MAPKAP1: variants seen among roughly 807,000 people sequenced by gnomAD.
MAPKAP1 encodes the protein MAPK associated protein 1, also known as target of rapamycin complex 2 subunit MAPKAP1.
In MAPKAP1, 20 loss-of-function variants were observed where a neutral mutation model predicts 65.7. The ratio of observed to expected loss-of-function variants is 0.30; its 90% CI spans 0.21 to 0.44. The LOEUF (loss-of-function observed/expected upper bound fraction) is 0.44. Ranked by LOEUF, MAPKAP1 falls within the 20% of genes least tolerant of loss-of-function variation. The pLI is 1.00. For missense variants in MAPKAP1, 423 were observed against 648.0 expected, an observed-to-expected ratio of 0.65 and a Z score of 3.77; for synonymous variants, 222 against 244.3, an observed-to-expected ratio of 0.91 and a Z score of 0.85.
At chr9:125,609,249 G>C (rs1340489597) in intron 4 of MAPKAP1, among the ~76,000 whole-genome samples, 1 of 152,120 alleles carries the variant, frequency 6.6e-6, no homozygotes, top group Non-Finnish European at 1.5e-5. Context: ...GGTCTCTATA[G>C]AAGGGAACAA....
intron 7 of MAPKAP1, among the ~76,000 whole-genome samples, chr9:125,523,071 G>A (rs374978914): frequency 2.6e-5 from 4 of 152,120 alleles, no homozygotes; most frequent in African/African-American, 4.8e-5. Context: ...ACCAGTTAAC[G>A]TCTTCAAGGC....
At chr9:125,604,238 A>G (rs2131616722) in intron 4 of MAPKAP1, among the ~76,000 whole-genome samples, 1 of 152,364 alleles carries the variant, frequency 6.6e-6, no homozygotes, top group African/African-American at 2.4e-5. Context: ...GAATATTTAA[A>G]TACAATGTAA....
chr9:125,694,389 T>C (rs997622711), intron 1 of MAPKAP1, among the ~76,000 whole-genome samples: 2 of 151,980 alleles, frequency 1.3e-5, no homozygotes, highest in African/African-American at 4.8e-5. Context: ...TTCATAACTG[T>C]AGGGAAAAAG....
intron 1 of MAPKAP1, among the ~76,000 whole-genome samples, chr9:125,683,726 C>T (rs1026375043): frequency 6.6e-6 from 1 of 152,130 alleles, no homozygotes; most frequent in Non-Finnish European, 1.5e-5. Context: ...CCTGACTCAC[C>T]GTGAAATCAT....
intron 10 of MAPKAP1, among the ~76,000 whole-genome samples, chr9:125,454,430 CTGGAG>C (rs768622515): frequency 2.3e-4 from 35 of 152,344 alleles, no homozygotes; most frequent in Non-Finnish European, 3.7e-4. Context: ...TCCAGAATCA[CTGGAG>C]TGGAGAGCTA....
chr9:125,702,718 G>A (rs1177703165), intron 1 of MAPKAP1, among the ~76,000 whole-genome samples: 2 of 151,524 alleles, frequency 1.3e-5, no homozygotes, highest in Non-Finnish European at 2.9e-5. Context: ...TGGGCGTGGT[G>A]ATGGGCACCT....
intron 7 of MAPKAP1, chr9:125,512,948 T>C (rs1315717306): frequency 6.6e-6 from 1 of 152,314 alleles, no homozygotes; most frequent in Non-Finnish European, 1.5e-5. Flanking sequence ...GCAGTGGCTG[T>C]TCACAGGTGC....
chr9:125,582,401 G>A (rs919181989), intron 5 of MAPKAP1, among the ~76,000 whole-genome samples: 1 of 152,024 alleles, frequency 6.6e-6, no homozygotes, highest in African/African-American at 2.4e-5. Flanking sequence ...AGCTATCCTC[G>A]TGTGCTTTGG....
intron 4 of MAPKAP1, among the ~76,000 whole-genome samples, chr9:125,608,436 A>T (rs1034142980): frequency 6.6e-6 from 1 of 152,216 alleles, no homozygotes; most frequent in Non-Finnish European, 1.5e-5. Context: ...TCAAGTCAAG[A>T]AAACCCCCAA....
chr9:125,693,778 T>C (rs1835290336), intron 1 of MAPKAP1, among the ~76,000 whole-genome samples: 1 of 150,052 alleles, frequency 6.7e-6, no homozygotes, highest in Non-Finnish European at 1.5e-5. Context: ...TACACATATA[T>C]ACACGTATAT....
chr9:125,552,260 C>T (rs1338604718), intron 6 of MAPKAP1, among the ~76,000 whole-genome samples: 1 of 152,186 alleles, frequency 6.6e-6, no homozygotes, highest in Non-Finnish European at 1.5e-5. Flanking sequence ...ATAATCCATT[C>T]TCCTTCCCTG....
At chr9:125,517,963 T>A (rs1300369189) in intron 7 of MAPKAP1, among the ~76,000 whole-genome samples, 1 of 152,148 alleles carries the variant, frequency 6.6e-6, no homozygotes, top group African/African-American at 2.4e-5. Context: ...GGTGGGAGGC[T>A]TTCAAAAAAA....
At chr9:125,488,211 C>T (rs1438150063) in intron 8 of MAPKAP1, among the ~76,000 whole-genome samples, 3 of 152,164 alleles carry the variant, frequency 2.0e-5, no homozygotes, top group African/African-American at 7.2e-5. Context: ...TGACAAGGGG[C>T]ATGTCTGTGT....
chr9:125,594,631 C>T (rs1006295818), intron 4 of MAPKAP1, among the ~76,000 whole-genome samples: 3 of 152,186 alleles, frequency 2.0e-5, no homozygotes, highest in African/African-American at 7.2e-5. Context: ...CCTCTTCTCT[C>T]CTCCCCTAAC....
At position 125,438,783 on chromosome 9, in the gene MAPKAP1, C is replaced by G; in HGVS notation, c.*104G>C. ...CTGCCCTGTGCCAGTGAGCCAGGGG[C>G]TGGCCTCCCCCCGAGGACTTCAGGA... is the stretch of plus-strand genomic sequence containing the variant. On this transcript the variant is annotated 3_prime_UTR_variant, in exon 12 of 12. Transcript: ENST00000265960. 1 of 1,497,048 alleles carries G rather than the reference C, an allele frequency of 6.7e-7. No individual in the cohort carries two copies. 92.7% of individuals were successfully genotyped at this position (1,497,048 alleles called of 1,614,324 possible).
chr9:125,478,616 CAT>C (rs1172173868), intron 9 of MAPKAP1, among the ~76,000 whole-genome samples: 1 of 152,160 alleles, frequency 6.6e-6, no homozygotes, highest in Non-Finnish European at 1.5e-5. Context: ...AGATCTGAGC[CAT>C]CCTGCCCAGT....
intron 7 of MAPKAP1, among the ~76,000 whole-genome samples, chr9:125,515,016 A>G (rs1273294162): frequency 6.6e-6 from 1 of 152,072 alleles, no homozygotes; most frequent in African/African-American, 2.4e-5. Flanking sequence ...TCTTAATATA[A>G]GCACTGAACT....
At chr9:125,479,410 T>C (rs1218615888) in intron 9 of MAPKAP1, among the ~76,000 whole-genome samples, 1 of 152,132 alleles carries the variant, frequency 6.6e-6, no homozygotes, top group African/African-American at 2.4e-5. Context: ...GGAAACCCCG[T>C]CTCTACTAAA....
chr9:125,479,787 G>A (rs1423513803), intron 9 of MAPKAP1, among the ~76,000 whole-genome samples: 1 of 152,084 alleles, frequency 6.6e-6, no homozygotes, highest in Non-Finnish European at 1.5e-5. Flanking sequence ...AATTCAGCAT[G>A]GATGAGTGGT....
Sources: allele counts gnomAD v4.1 joint callset (sites outside exome capture counted in the v4.1 genomes callset), GRCh38; gene constraint gnomAD v4.1.1; transcripts MANE v1.5; gene names NCBI Gene and HGNC (gene_info 2026-07-23, HGNC 2026-07-21).